The following GULP1 variants were observed in gnomAD, a reference collection of about 807,000 sequenced individuals.
The protein encoded by GULP1 is PTB domain-containing engulfment adapter protein 1.
GULP1 carries 19 observed loss-of-function variants against 40.9 expected under a neutral mutation model. The observed-to-expected ratio is 0.46, with a 90% confidence interval of 0.32 to 0.68. The LOEUF (loss-of-function observed/expected upper bound fraction) is 0.68, where lower values mean the gene tolerates loss of function less well. Ranked by LOEUF, GULP1 falls within the 30% of genes least tolerant of loss-of-function variation. GULP1 has a pLI of 0.03. For synonymous variants in GULP1, 119 were observed against 117.6 expected, an observed-to-expected ratio of 1.01 and a Z score of -0.08; for missense variants, 312 against 362.2, an observed-to-expected ratio of 0.86 and a Z score of 1.12.
At chr2:188,487,800 C>T (rs2061991995) in intron 4 of GULP1, among the ~76,000 whole-genome samples, 1 of 151,964 alleles carries the variant, frequency 6.6e-6, no homozygotes, top group African/African-American at 2.4e-5. Context: ...CAGAGTTTTA[C>T]ATATGACACG....
intron 9 of GULP1, among the ~76,000 whole-genome samples, chr2:188,578,768 A>G (rs1700674116): frequency 1.3e-5 from 2 of 152,134 alleles, no homozygotes; most frequent in South Asian, 4.1e-4. Flanking sequence ...GGTGCCATGT[A>G]CTTCTGTAGG....
chr2:188,557,734 G>A (rs1301455279), intron 7 of GULP1, among the ~76,000 whole-genome samples: 1 of 152,248 alleles, frequency 6.6e-6, no homozygotes, highest in Non-Finnish European at 1.5e-5. Flanking sequence ...TGGGGAGTCT[G>A]TGTGGGGTGT....
At chr2:188,531,024 C>G (rs77261889) in intron 6 of GULP1, among the ~76,000 whole-genome samples, 4,360 of 152,244 alleles carry the variant, frequency 0.029, 91 homozygotes, top group African/African-American at 0.062. Flanking sequence ...TGCAACTTTT[C>G]TCTAGTCCAG....
At chr2:188,557,671 G>T (rs1485328805) in intron 7 of GULP1, among the ~76,000 whole-genome samples, 1 of 152,202 alleles carries the variant, frequency 6.6e-6, no homozygotes, top group Non-Finnish European at 1.5e-5. Flanking sequence ...CACCATTCTG[G>T]GGTCTGGAAA....
intron 1 of GULP1, among the ~76,000 whole-genome samples, chr2:188,360,598 T>G (rs945953331): frequency 2.6e-5 from 4 of 152,104 alleles, no homozygotes; most frequent in African/African-American, 9.7e-5. Flanking sequence ...ACTAAGTAAG[T>G]GGTGAAGCTT....
At chr2:188,307,269 A>G (rs1024416278) in intron 1 of GULP1, among the ~76,000 whole-genome samples, 5 of 152,204 alleles carry the variant, frequency 3.3e-5, no homozygotes, top group Admixed American at 6.5e-5. Flanking sequence ...CAGGTAGAAC[A>G]ACTTCAACGT....
intron 4 of GULP1, among the ~76,000 whole-genome samples, chr2:188,488,782 C>G (rs929215335): frequency 6.6e-6 from 1 of 151,938 alleles, no homozygotes; most frequent in Non-Finnish European, 1.5e-5. Context: ...TTATACTTTC[C>G]TATTACCTTG....
In GULP1 at chr2:188,476,458, G is replaced by C. The variant is rs1041241699; in HGVS notation, c.-44-1201G>C. Among the ~76,000 whole-genome samples the C allele has an allele frequency of 2.8e-4, 42 of 152,116 alleles. 1 individual carries two copies. Among genetic ancestry groups the C allele is most frequent in the South Asian group, 1.7e-3 (8 of 4,806 alleles). The stretch of plus-strand genomic sequence containing the variant: ...TCTGAAGATGGAACACACCAAACTG[G>C]GCTCTTACACCAAGCACATGAGTTT... On this transcript the variant is annotated intron_variant, in intron 2 of 11. Coordinates refer to ENST00000409830, the MANE Select transcript of GULP1 (RefSeq NM_016315.4).
At chr2:188,311,345 C>T (rs992311717) in intron 1 of GULP1, among the ~76,000 whole-genome samples, 2 of 152,042 alleles carry the variant, frequency 1.3e-5, no homozygotes, top group Non-Finnish European at 1.5e-5. Context: ...TACAGGCATG[C>T]GCCACCGTGC....
At chr2:188,312,041 G>A (rs2038237787) in intron 1 of GULP1, among the ~76,000 whole-genome samples, 1 of 151,772 alleles carries the variant, frequency 6.6e-6, no homozygotes, top group Non-Finnish European at 1.5e-5. Flanking sequence ...TACACTTGTA[G>A]TGAGGTCTTT....
chr2:188,334,052 GA>G (rs2041959974), intron 1 of GULP1, among the ~76,000 whole-genome samples: 1 of 152,086 alleles, frequency 6.6e-6, no homozygotes, highest in Admixed American at 6.6e-5. Flanking sequence ...CCCCAACGCT[GA>G]ACTCCTTGCC....
chr2:188,492,327 T>G (rs2062472348), intron 4 of GULP1, among the ~76,000 whole-genome samples: 1 of 152,072 alleles, frequency 6.6e-6, no homozygotes, highest in Admixed American at 6.6e-5. Flanking sequence ...AAGCACAGAA[T>G]TAAACACATT....
intron 1 of GULP1, among the ~76,000 whole-genome samples, chr2:188,313,004 A>C (rs1347041191): frequency 3.9e-5 from 6 of 151,966 alleles, no homozygotes; most frequent in Admixed American, 2.0e-4. Flanking sequence ...AGTTCCTTGT[A>C]AACTCTGGAT....
At chr2:188,343,027 A>C (rs1000116272) in intron 1 of GULP1, among the ~76,000 whole-genome samples, 5 of 152,222 alleles carry the variant, frequency 3.3e-5, no homozygotes, top group African/African-American at 4.8e-5. Context: ...CATGGCAAAG[A>C]AAATGTAATA....
At chr2:188,430,873 A>G (rs2056793691) in intron 2 of GULP1, among the ~76,000 whole-genome samples, 1 of 152,238 alleles carries the variant, frequency 6.6e-6, no homozygotes, top group South Asian at 2.1e-4. Context: ...ATACCCAGAA[A>G]GAAGGAAGTG....
intron 4 of GULP1, among the ~76,000 whole-genome samples, chr2:188,506,454 T>C (rs549073505): frequency 6.6e-6 from 1 of 152,080 alleles, no homozygotes; most frequent in East Asian, 1.9e-4. Flanking sequence ...CTCTTTGGCT[T>C]TTATCTATAA....
chr2:188,462,720 A>G (rs1254396681), intron 2 of GULP1, among the ~76,000 whole-genome samples: 2 of 151,896 alleles, frequency 1.3e-5, no homozygotes, highest in Non-Finnish European at 2.9e-5. Flanking sequence ...TTTATTGAAG[A>G]TGATTTTGTC....
At position 188,480,263 on chromosome 2, in the gene GULP1, T is replaced by C. The variant is rs543958028; in HGVS notation, c.28+2533T>C. On this transcript the variant is annotated intron_variant, in intron 3 of 11. Transcript: ENST00000409830. ...TAGAGAATATTTTATTTAAGTCACG[T>C]TTCCAAAACTACCATCAACATACCC... Among the ~76,000 whole-genome samples, 3 of 152,136 alleles carry C rather than the reference T, an allele frequency of 2.0e-5. No individual in the cohort carries two copies. In the East Asian group the frequency reaches 5.8e-4, roughly 29 times the overall value.
intron 5 of GULP1, among the ~76,000 whole-genome samples, chr2:188,527,382 C>G (rs184028249): frequency 2.0e-5 from 3 of 152,092 alleles, no homozygotes; most frequent in Non-Finnish European, 4.4e-5. Flanking sequence ...TTTATCCAGA[C>G]GCATTCACAT....
Sources: gnomAD v4.1 joint callset for allele counts (sites outside exome capture counted in the v4.1 genomes callset) on GRCh38, gnomAD v4.1.1 for gene constraint, MANE v1.5 for transcripts, NCBI Gene and HGNC (gene_info 2026-07-23, HGNC 2026-07-21) for gene names.